The following ST6GAL2 variants were observed in gnomAD, a reference collection of about 807,000 sequenced individuals.
ST6GAL2 encodes the protein beta-galactoside alpha-2,6-sialyltransferase 2.
Under a neutral mutation model 37.5 loss-of-function variants are expected in ST6GAL2, and 24 were observed. That is an observed-to-expected ratio of 0.64 (90% CI 0.46 to 0.90). The LOEUF (loss-of-function observed/expected upper bound fraction) is 0.90. Ranked by LOEUF, ST6GAL2 falls within the 40% of genes least tolerant of loss-of-function variation. The probability of loss-of-function intolerance (pLI) is 0.00; values close to 1 mark genes in which losing one functional copy is unlikely to be tolerated. For synonymous variants in ST6GAL2, 306 were observed against 295.1 expected, an observed-to-expected ratio of 1.04 and a Z score of -0.38; for missense variants, 715 against 712.7, an observed-to-expected ratio of 1.00 and a Z score of -0.04.
At chr2:106,818,216 A>C (rs1326933358) in intron 5 of ST6GAL2, among the ~76,000 whole-genome samples, 4 of 152,200 alleles carry the variant, frequency 2.6e-5, no homozygotes, top group Admixed American at 2.6e-4. Flanking sequence ...TAGGACATTG[A>C]GTGAACATAG....
chr2:106,864,495 C>G (rs1390936214), intron 1 of ST6GAL2, among the ~76,000 whole-genome samples: 1 of 152,220 alleles, frequency 6.6e-6, no homozygotes, highest in Non-Finnish European at 1.5e-5. Context: ...TAACATTATT[C>G]TTTTTGCAAA....
intron 5 of ST6GAL2, 70 bp from the exon 6 acceptor site, chr2:106,807,019 G>T: frequency 7.3e-7 from 1 of 1,373,832 alleles, no homozygotes; most frequent in South Asian, 1.4e-5. Context: ...TTTTGGGGGA[G>T]GGGTGGTGGT....
At chr2:106,823,486 C>G (rs12053056) in intron 5 of ST6GAL2, among the ~76,000 whole-genome samples, 20,441 of 118,054 alleles carry the variant, frequency 0.17, 2,187 homozygotes, top group East Asian at 0.53. Context: ...CACACACACA[C>G]AGAGAGAGAG....
intron 5 of ST6GAL2, among the ~76,000 whole-genome samples, chr2:106,816,389 T>C (rs1205880598): frequency 6.6e-6 from 1 of 152,194 alleles, no homozygotes; most frequent in Non-Finnish European, 1.5e-5. Flanking sequence ...AGTCAAAACA[T>C]ATTTGCAAAG....
rs76483302 is a variant in ST6GAL2 at position 106,882,393 on chromosome 2, C to T, written c.-58+3700G>A. On this transcript the variant is annotated intron_variant, in intron 1 of 5. Transcript: ENST00000409382. ...CCTTCCTGAGGTTCAGTCTTCTCGC[C>T]TGTAAAATGGGCACAATGATACCTC... Among the ~76,000 whole-genome samples the T allele has an allele frequency of 3.8e-3, 577 of 152,290 alleles. 5 individuals carry two copies. Among genetic ancestry groups the T allele is most frequent in the African/African-American group, 0.013 (553 of 41,558 alleles).
At position 106,834,575 on chromosome 2, in the gene ST6GAL2, A is replaced by T. The variant is rs114967922; in HGVS notation, c.944-429T>A. 4.5e-3 allele frequency: 690 copies of T among 153,980 alleles called. 5 individuals carry two copies. Among genetic ancestry groups the T allele is most frequent in the African/African-American group, 0.016 (662 of 41,552 alleles). 9.5% of individuals were successfully genotyped at this position (153,980 alleles called of 1,614,324 possible). A position where few individuals can be genotyped will look rare whatever the true frequency, so the allele number is the denominator to read the frequency against. ...GCTTAAAAAGAAAGCCAGCCCTGCA[A>T]GGGCTGCTTTTTGGTGCTGGTGTAT... On this transcript the variant is annotated intron_variant, in intron 2 of 5. Transcript: ENST00000409382.
intron 1 of ST6GAL2, among the ~76,000 whole-genome samples, chr2:106,879,645 A>T (rs914135955): frequency 3.3e-5 from 5 of 149,988 alleles, no homozygotes; most frequent in African/African-American, 1.2e-4. Flanking sequence ...TAGACCAATT[A>T]TATACGTATC....
intron 5 of ST6GAL2, among the ~76,000 whole-genome samples, chr2:106,820,964 C>T (rs943469837): frequency 1.8e-4 from 27 of 151,714 alleles, no homozygotes; most frequent in Non-Finnish European, 3.1e-4. Flanking sequence ...ATAGTGAAAA[C>T]ACAACATACC....
intron 1 of ST6GAL2, among the ~76,000 whole-genome samples, chr2:106,858,304 T>C (rs1439527810): frequency 2.0e-5 from 3 of 152,204 alleles, no homozygotes; most frequent in Non-Finnish European, 4.4e-5. Flanking sequence ...TCTCCTGCAC[T>C]CAGCTGACAG....
chr2:106,865,252 A>T (rs920384012), intron 1 of ST6GAL2, among the ~76,000 whole-genome samples: 1 of 152,236 alleles, frequency 6.6e-6, no homozygotes, highest in African/African-American at 2.4e-5. Flanking sequence ...ACTCCAGCAC[A>T]CTACTGTATC....
At chr2:106,865,966 G>A (rs1301881291) in intron 1 of ST6GAL2, among the ~76,000 whole-genome samples, 3 of 152,174 alleles carry the variant, frequency 2.0e-5, no homozygotes, top group Non-Finnish European at 4.4e-5. Context: ...ACCCTGACTT[G>A]CATTTGCATT....
At chr2:106,817,256 G>A (rs72949025) in intron 5 of ST6GAL2, among the ~76,000 whole-genome samples, 1 of 152,170 alleles carries the variant, frequency 6.6e-6, no homozygotes, top group Non-Finnish European at 1.5e-5. Flanking sequence ...GGGAGTGCTT[G>A]CACCACTCTT....
At chr2:106,826,928 A>G (rs1195560663) in intron 5 of ST6GAL2, among the ~76,000 whole-genome samples, 1 of 152,186 alleles carries the variant, frequency 6.6e-6, no homozygotes, top group Non-Finnish European at 1.5e-5. Context: ...GTGGATCAGA[A>G]CAATCGGAGG....
At position 106,843,766 on chromosome 2, in the gene ST6GAL2, G is replaced by C; in HGVS notation, c.212C>G (p.Pro71Arg). ...CGCCTGGCGTGCGTCCAGGCCCCCAGGCGGGGAGGGCTCATGTGCGGCGCC... is the reference window on the plus strand; with the variant it reads ...CGCCTGGCGTGCGTCCAGGCCCCCACGCGGGGAGGGCTCATGTGCGGCGCC... ...IMGAAHEPSP[P>R]GGLDARQALP... The change falls in exon 2 of 6, where the codon CCT (proline) becomes CGT (arginine). Residue 71 changes from proline to arginine, a missense_variant. Pro to Arg is a moderately radical substitution (Grantham distance 103, BLOSUM62 -2). This residue lies in a region of ST6GAL2 where 512 missense variants were observed against 488.8 expected (regional missense o/e 1.05). Coordinates refer to ENST00000409382, the MANE Select transcript of ST6GAL2 (RefSeq NM_001142351.2). 6.2e-7 allele frequency: 1 copy of C among 1,609,838 alleles called. No homozygotes were observed. Among genetic ancestry groups the C allele is most frequent in the African/African-American group, 1.3e-5 (1 of 74,942 alleles).
intron 1 of ST6GAL2, among the ~76,000 whole-genome samples, chr2:106,860,653 ATATCCATTG>A (rs1045283575): frequency 2.8e-4 from 43 of 152,270 alleles, no homozygotes; most frequent in African/African-American, 9.1e-4. Flanking sequence ...TAAACACTCC[ATATCCATTG>A]TGATATGGAA....
At chr2:106,823,442 A>AACACACACACACAC (rs60795605) in intron 5 of ST6GAL2, among the ~76,000 whole-genome samples, 1,736 of 101,126 alleles carry the variant, frequency 0.017, 17 homozygotes, top group Admixed American at 0.021. Flanking sequence ...CCCAGCAGAA[A>AACACACACACACAC]ACACACACAC....
At chr2:106,858,227 G>T (rs562670726) in intron 1 of ST6GAL2, among the ~76,000 whole-genome samples, 2 of 152,068 alleles carry the variant, frequency 1.3e-5, no homozygotes, top group Non-Finnish European at 2.9e-5. Context: ...TACTCATTTT[G>T]CAGACATTGG....
At chr2:106,806,976 C>G in intron 5 of ST6GAL2, 27 bp from the exon 6 acceptor site, 1 of 1,586,492 alleles carries the variant, frequency 6.3e-7, no homozygotes. Flanking sequence ...AAATTAGAAC[C>G]TAATGAACAA....
At chr2:106,884,156 G>A (rs1678865005) in intron 1 of ST6GAL2, among the ~76,000 whole-genome samples, 1 of 152,094 alleles carries the variant, frequency 6.6e-6, no homozygotes, top group South Asian at 2.1e-4. Flanking sequence ...AAACAAGCAC[G>A]TACAGGAATT....
Sources: gnomAD v4.1 joint callset for allele counts (sites outside exome capture counted in the v4.1 genomes callset) on GRCh38, gnomAD v4.1.1 for gene constraint, gnomAD v4.1.1 regional missense constraint, MANE v1.5 for transcripts, NCBI Gene and HGNC (gene_info 2026-07-23, HGNC 2026-07-21) for gene names.